The following PRSS23 variants were observed in gnomAD, a reference collection of about 807,000 sequenced individuals.
The protein encoded by PRSS23 is serine protease 23.
A neutral mutation model predicts 34.7 loss-of-function variants in PRSS23; 25 were observed. That is an observed-to-expected ratio of 0.72 (90% CI 0.53 to 1.01). The LOEUF is 1.01. Among genes scored for constraint, PRSS23 ranks in the 50% least tolerant of loss-of-function variants. The pLI, the probability that PRSS23 is intolerant of heterozygous loss-of-function variation, is 0.00. For missense variants in PRSS23, 445 were observed against 475.6 expected, an observed-to-expected ratio of 0.94 and a Z score of 0.60; for synonymous variants, 176 against 186.6, an observed-to-expected ratio of 0.94 and a Z score of 0.46.
chr11:86,853,853 T>G (rs112499955), intron 2 of PRSS23, among the ~76,000 whole-genome samples: 2 of 152,328 alleles, frequency 1.3e-5, no homozygotes, highest in African/African-American at 4.8e-5. Context: ...CCAATCATAT[T>G]CGAGCATTCC....
At chr11:86,922,596 C>T (rs989988177) in intron 2 of PRSS23, among the ~76,000 whole-genome samples, 4 of 152,194 alleles carry the variant, frequency 2.6e-5, no homozygotes, top group Admixed American at 2.6e-4. Flanking sequence ...ACAGTAGTAG[C>T]TCAGTAAAAA....
intron 2 of PRSS23, among the ~76,000 whole-genome samples, chr11:86,845,743 G>A (rs946132212): frequency 3.9e-5 from 6 of 152,148 alleles, no homozygotes; most frequent in African/African-American, 7.2e-5. Context: ...AAATTTTGCT[G>A]TAAGTTTCCC....
intron 2 of PRSS23, among the ~76,000 whole-genome samples, chr11:86,861,236 AG>A (rs35548465): frequency 0.55 from 78,980 of 144,508 alleles, 21,781 homozygotes; most frequent in East Asian, 0.82. Flanking sequence ...AGGGTGGGAG[AG>A]GGGGGCGATA....
chr11:86,847,844 C>T (rs1055607929), intron 2 of PRSS23, among the ~76,000 whole-genome samples: 1 of 152,168 alleles, frequency 6.6e-6, no homozygotes, highest in Non-Finnish European at 1.5e-5. Flanking sequence ...CCCTTACGTA[C>T]AGGCTTTCTT....
chr11:86,853,693 G>T (rs2134922163), intron 2 of PRSS23, among the ~76,000 whole-genome samples: 1 of 152,258 alleles, frequency 6.6e-6, no homozygotes, highest in South Asian at 2.1e-4. Context: ...ATGAATATGG[G>T]TGTACAAATA....
intron 2 of PRSS23, among the ~76,000 whole-genome samples, chr11:86,939,500 C>T (rs896341598): frequency 2.0e-5 from 3 of 147,016 alleles, no homozygotes; most frequent in African/African-American, 7.4e-5. Flanking sequence ...TATAATTCCT[C>T]AGACTACCTG....
chr11:86,941,446 A>G (rs566277549), intron 2 of PRSS23, among the ~76,000 whole-genome samples: 63 of 152,166 alleles, frequency 4.1e-4, no homozygotes, highest in Non-Finnish European at 4.3e-4. Context: ...TTCCCAGGAC[A>G]GTGGCTGGCA....
intron 1 of PRSS23, among the ~76,000 whole-genome samples, chr11:86,805,694 T>G (rs1256170262): frequency 1.3e-5 from 2 of 151,692 alleles, no homozygotes; most frequent in African/African-American, 4.9e-5. Context: ...GTCCCAGAGG[T>G]GGGTGGGGCA....
intron 2 of PRSS23, among the ~76,000 whole-genome samples, chr11:86,845,433 A>G (rs1462435494): frequency 6.6e-6 from 1 of 152,226 alleles, no homozygotes; most frequent in Non-Finnish European, 1.5e-5. Flanking sequence ...TACTTGATAC[A>G]TCCATCACAT....
chr11:86,862,052 T>C (rs1280908878), intron 2 of PRSS23, among the ~76,000 whole-genome samples: 1 of 151,656 alleles, frequency 6.6e-6, no homozygotes, highest in African/African-American at 2.4e-5. Flanking sequence ...GTATTGTTTG[T>C]AACATCTGGA....
rs886048717 is a variant in PRSS23, at chr11:86,946,626, G to A, written c.207-4590G>A. On this transcript the variant is annotated intron_variant, in intron 2 of 2. Transcript: ENST00000533902. Reference sequence around the variant, plus strand: ...AACAGAAAGCTCTATGTAGGCTAGAGTGAAATGAAATCTATTATGTGGGGC... The same window carrying A: ...AACAGAAAGCTCTATGTAGGCTAGAATGAAATGAAATCTATTATGTGGGGC... The A allele has an allele frequency of 2.6e-5, 4 of 152,554 alleles. No individual in the cohort carries two copies. The highest frequency in any genetic ancestry group is 5.9e-5 in the Non-Finnish European group (4 of 68,052). The allele number at this position is 152,554 out of a possible 1,614,324, so 9.5% of individuals were successfully genotyped here.
Position 86,912,780 on chromosome 11 carries a change from T to C in PRSS23, c.207-38436T>C, listed in dbSNP as rs115830462. The stretch of plus-strand genomic sequence containing the variant: ...TGGTTCATCTCAGAGCTTGTCTCTA[T>C]TAGCCCTTTCTCTTAAATATGAGTC... On this transcript the variant is annotated intron_variant, in intron 2 of 2. Coordinates refer to the PRSS23 transcript ENST00000533902. Among the ~76,000 whole-genome samples, 832 of 152,328 alleles carry C rather than the reference T, an allele frequency of 5.5e-3. 15 individuals are homozygous for C. Among genetic ancestry groups the C allele is most frequent in the South Asian group, 0.03 (144 of 4,820 alleles).
At chr11:86,887,413 C>CAAAAAA (rs11325675) in intron 2 of PRSS23, among the ~76,000 whole-genome samples, 2 of 138,192 alleles carry the variant, frequency 1.4e-5, no homozygotes, top group Non-Finnish European at 1.6e-5. Context: ...CAAAACAAAA[C>CAAAAAA]AAAAAAAAAA....
At chr11:86,867,883 A>AAAAAAAAAAAAAAAAAG (rs1555076602) in intron 2 of PRSS23, among the ~76,000 whole-genome samples, 9 of 151,198 alleles carry the variant, frequency 6.0e-5, no homozygotes, top group African/African-American at 1.7e-4. Flanking sequence ...TCAAAAAAAA[A>AAAAAAAAAAAAAAAAAG]AAAAAAAATA....
chr11:86,840,755 A>G (rs1168008796), intron 2 of PRSS23, among the ~76,000 whole-genome samples: 1 of 152,226 alleles, frequency 6.6e-6, no homozygotes, highest in Non-Finnish European at 1.5e-5. Flanking sequence ...ATCACAACAA[A>G]TTATCTGTCA....
chr11:86,903,458 T>C (rs1948923413), intron 2 of PRSS23, among the ~76,000 whole-genome samples: 1 of 151,558 alleles, frequency 6.6e-6, no homozygotes, highest in Admixed American at 6.6e-5. Flanking sequence ...GTTCCTTAAG[T>C]ATTGTAATTT....
At chr11:86,914,825 C>T (rs1356558334) in intron 2 of PRSS23, among the ~76,000 whole-genome samples, 1 of 152,256 alleles carries the variant, frequency 6.6e-6, no homozygotes, top group East Asian at 1.9e-4. Flanking sequence ...AGTTTTAAGC[C>T]TTATACATTT....
chr11:86,867,541 A>G, intron 2 of PRSS23, among the ~76,000 whole-genome samples: 1 of 152,152 alleles, frequency 6.6e-6, no homozygotes, highest in South Asian at 2.1e-4. Context: ...TCAGGGGTAT[A>G]ACAACCATCC....
Position 86,808,117 on chromosome 11 carries a change from G to T in PRSS23, c.474G>T (p.Thr158=), listed in dbSNP as rs765752213. The T allele has an allele frequency of 6.2e-7, 1 of 1,614,158 alleles. No homozygotes were observed. The highest frequency in any genetic ancestry group is 8.5e-7 in the Non-Finnish European group (1 of 1,180,026). Residue 158 remains threonine (T), a synonymous_variant, in exon 2 of 2, where the codon ACG becomes ACT. Transcript: ENST00000280258. ...YPFSTSVKLS[T]GCTGTLVAEK... is the part of the protein sequence containing the mutation. ...TCTCAACATCAGTGAAGTTATCCAC[G>T]GGCTGCACCGGCACCCTGGTGGCAG...
Sources: allele counts gnomAD v4.1 joint callset (sites outside exome capture counted in the v4.1 genomes callset), GRCh38; gene constraint gnomAD v4.1.1; transcripts MANE v1.5; gene names NCBI Gene and HGNC (gene_info 2026-07-23, HGNC 2026-07-21).